The following MYH16 variants were observed in gnomAD, a reference collection of about 807,000 sequenced individuals.
MYH16 encodes the protein myosin heavy chain 16, also known as putative uncharacterized protein MYH16.
downstream of MYH16, among the ~76,000 whole-genome samples, chr7:99,307,222 C>T (rs1466527114): frequency 6.6e-6 from 1 of 152,158 alleles, no homozygotes; most frequent in African/African-American, 2.4e-5. Context: ...TCTTTCGTGT[C>T]CCCCACAATA....
At chr7:99,290,094 C>T (rs1792345933) in intron 30 of MYH16, among the ~76,000 whole-genome samples, 1 of 152,220 alleles carries the variant, frequency 6.6e-6, no homozygotes, top group South Asian at 2.1e-4. Flanking sequence ...CCTTAGAGAA[C>T]TGAATAGTCT....
chr7:99,309,280 G>C (rs1342297535), downstream of MYH16, among the ~76,000 whole-genome samples: 1 of 152,174 alleles, frequency 6.6e-6, no homozygotes, highest in Non-Finnish European at 1.5e-5. Context: ...TGAATCAACA[G>C]CTTGTTGAAT....
downstream of MYH16, among the ~76,000 whole-genome samples, chr7:99,308,613 T>C (rs1269738760): frequency 6.6e-6 from 1 of 152,134 alleles, no homozygotes; most frequent in Non-Finnish European, 1.5e-5. Flanking sequence ...TTCTTAGAAG[T>C]GCCTATTCTT....
At chr7:99,259,912 G>A (rs1282871506) in intron 11 of MYH16, among the ~76,000 whole-genome samples, 1 of 151,322 alleles carries the variant, frequency 6.6e-6, no homozygotes, top group East Asian at 1.9e-4. Flanking sequence ...CCTGGACTTT[G>A]GGTCTGAACA....
chr7:99,294,555 AT>A (rs1192301398), intron 33 of MYH16, among the ~76,000 whole-genome samples: 31 of 93,776 alleles, frequency 3.3e-4, no homozygotes, highest in African/African-American at 2.8e-3. Context: ...GAAAAAAAAA[AT>A]ATATATATAT....
At chr7:99,279,794 C>T (rs1562781047) in intron 22 of MYH16, 57 bp downstream of exon 4, 2 of 427,654 alleles carry the variant, frequency 4.7e-6, no homozygotes, top group Non-Finnish European at 9.3e-6. Flanking sequence ...AGGGGCCATA[C>T]CTAAAGCCCC....
intron 3 of MYH16, among the ~76,000 whole-genome samples, chr7:99,247,968 C>G (rs1276041103): frequency 6.6e-6 from 1 of 152,196 alleles, no homozygotes. Flanking sequence ...CCAGCCCTAC[C>G]TCACACCCTA....
chr7:99,307,174 T>C (rs1792693656), downstream of MYH16, among the ~76,000 whole-genome samples: 1 of 152,128 alleles, frequency 6.6e-6, no homozygotes, highest in South Asian at 2.1e-4. Flanking sequence ...CTTAGTACAG[T>C]CACAGGGACG....
intron 32 of MYH16, 79 bp from the exon 14 acceptor site, chr7:99,293,939 A>G: frequency 2.7e-6 from 1 of 375,600 alleles, no homozygotes. Context: ...TGCCCACCAC[A>G]CTCTGACCCT....
At chr7:99,265,896 C>G (rs1479242094) in intron 17 of MYH16, among the ~76,000 whole-genome samples, 2 of 152,182 alleles carry the variant, frequency 1.3e-5, no homozygotes, top group South Asian at 4.1e-4. Flanking sequence ...TTTCAACTGC[C>G]AGCCCCTGCA....
chr7:99,277,876 T>A (rs1001841707), intron 21 of MYH16, among the ~76,000 whole-genome samples, 164 bp downstream of exon 3: 6 of 141,138 alleles, frequency 4.3e-5, no homozygotes, highest in Non-Finnish European at 9.1e-5. Flanking sequence ...CTCCATCCAA[T>A]TCGTGTGTGT....
exon 17 of MYH16, chr7:99,265,672 C>A: frequency 6.5e-6 from 1 of 154,138 alleles, no homozygotes; most frequent in South Asian, 1.8e-4. Context: ...CTGCAGTACC[C>A]GGAGTTCAAA....
downstream of MYH16, among the ~76,000 whole-genome samples, chr7:99,307,851 G>C (rs1267957516): frequency 1.3e-5 from 2 of 152,042 alleles, no homozygotes; most frequent in Admixed American, 1.3e-4. Flanking sequence ...AAGTAGCTAG[G>C]ACTACAGGTG....
chr7:99,243,767 A>G (rs904575437), intron 2 of MYH16, among the ~76,000 whole-genome samples: 4 of 150,716 alleles, frequency 2.7e-5, no homozygotes, highest in Non-Finnish European at 4.4e-5. Context: ...CCATCCATCT[A>G]TCCATTCATC....
chr7:99,304,635 A>C (rs920260562), exon 40 of MYH16: 2 of 152,832 alleles, frequency 1.3e-5, no homozygotes, highest in Non-Finnish European at 2.9e-5. Flanking sequence ...CACTGCATGC[A>C]CCTGGAGAAG....
At chr7:99,245,558 C>T (rs538135739) in intron 2 of MYH16, among the ~76,000 whole-genome samples, 133 of 152,202 alleles carry the variant, frequency 8.7e-4, no homozygotes, top group South Asian at 3.9e-3. Flanking sequence ...GATGGAGTCT[C>T]GCTCTGTTGC....
intron 15 of MYH16, among the ~76,000 whole-genome samples, chr7:99,264,477 AG>A (rs1174202675): frequency 2.6e-5 from 4 of 152,198 alleles, no homozygotes; most frequent in African/African-American, 9.7e-5. Context: ...TGGGCAGAAG[AG>A]ACCCATTTTT....
intron 18 of MYH16, among the ~76,000 whole-genome samples, chr7:99,267,705 G>A (rs1385809250): frequency 1.3e-5 from 2 of 152,214 alleles, no homozygotes; most frequent in African/African-American, 4.8e-5. Flanking sequence ...CCTGACTCAT[G>A]GGGCCCGAGT....
intron 5 of MYH16, among the ~76,000 whole-genome samples, chr7:99,250,647 T>C (rs1009040666): frequency 6.6e-6 from 1 of 151,582 alleles, no homozygotes; most frequent in Non-Finnish European, 1.5e-5. Flanking sequence ...GGGGCTGAAG[T>C]GGGAGGATCA....
Sources: gnomAD v4.1 joint callset for allele counts (sites outside exome capture counted in the v4.1 genomes callset) on GRCh38, gnomAD v4.1.1 for gene constraint, MANE v1.5 for transcripts, NCBI Gene and HGNC (gene_info 2026-07-23, HGNC 2026-07-21) for gene names.